ZNF626: variants seen among roughly 807,000 people sequenced by gnomAD.
The protein encoded by ZNF626 is CTC-513N18.7.
A neutral mutation model predicts 11.7 loss-of-function variants in ZNF626; 4 were observed. The ratio of observed to expected loss-of-function variants is 0.34; its 90% CI spans 0.17 to 0.78. The LOEUF is 0.78. Ranked by LOEUF, ZNF626 falls within the 30% of genes least tolerant of loss-of-function variation. ZNF626 has a pLI of 0.57. For synonymous variants in ZNF626, 179 were observed against 198.6 expected (o/e 0.90, Z 0.83); for missense variants, 588 against 587.1 (o/e 1.00, Z -0.01).
chr19:20,660,450 G>A (rs1482809720), intron 1 of ZNF626, among the ~76,000 whole-genome samples: 2 of 151,142 alleles, frequency 1.3e-5, no homozygotes, highest in East Asian at 1.9e-4. Context: ...TTTTTGAGCC[G>A]GAGTCTCGCT....
chr19:20,635,684 CAAT>C (rs1304037254), intron 3 of ZNF626, among the ~76,000 whole-genome samples: 1 of 152,050 alleles, frequency 6.6e-6, no homozygotes, highest in Non-Finnish European at 1.5e-5. Flanking sequence ...TAAAAATAAA[CAAT>C]AATACCTAAA....
In ZNF626 at chr19:20,640,912, C is replaced by CA. The variant is rs563312723; in HGVS notation, c.226+4771dup. Among the ~76,000 whole-genome samples, 22 of 152,002 alleles carry CA rather than the reference C, an allele frequency of 1.4e-4. No individual in the cohort carries two copies. The South Asian group carries it at 3.7e-3, about 26-fold the overall frequency. On this transcript the variant is annotated intron_variant, in intron 3 of 3. Coordinates refer to ENST00000601440, the MANE Select transcript of ZNF626 (RefSeq NM_001076675.3). ...CCGTAATCCTAGCAATTTGGGAGGC[C>CA]AAGGTAGGGGCAGATCACCTGAGGC...
intron 3 of ZNF626, among the ~76,000 whole-genome samples, chr19:20,638,054 T>C (rs1969985025): frequency 6.6e-6 from 1 of 151,922 alleles, no homozygotes; most frequent in South Asian, 2.1e-4. Flanking sequence ...AATGAGAGGA[T>C]AATCTGAGTT....
intron 1 of ZNF626, among the ~76,000 whole-genome samples, chr19:20,653,027 G>C (rs189553456): frequency 1.0e-3 from 157 of 152,268 alleles, no homozygotes; most frequent in Middle Eastern, 3.4e-3. Context: ...ATCTGATCTA[G>C]ACTCTCTAGA....
intron 3 of ZNF626, among the ~76,000 whole-genome samples, chr19:20,627,665 A>G (rs1274967622): frequency 1.3e-5 from 2 of 152,160 alleles, no homozygotes; most frequent in South Asian, 2.1e-4. Context: ...TTTATTAAAA[A>G]ATTTTAAAAA....
intron 1 of ZNF626, among the ~76,000 whole-genome samples, chr19:20,647,110 T>A (rs1555771999): frequency 6.6e-6 from 1 of 152,198 alleles, no homozygotes; most frequent in African/African-American, 2.4e-5. Context: ...CCTCCTAAAG[T>A]GTTGGGATTA....
chr19:20,635,558 T>C (rs1221370051), intron 3 of ZNF626, among the ~76,000 whole-genome samples: 1 of 151,748 alleles, frequency 6.6e-6, no homozygotes, highest in Admixed American at 6.6e-5. Context: ...TCTGACACCG[T>C]GATCCACCCA....
intron 3 of ZNF626, among the ~76,000 whole-genome samples, chr19:20,631,025 T>C (rs532538044): frequency 6.6e-6 from 1 of 152,216 alleles, no homozygotes; most frequent in South Asian, 2.1e-4. Context: ...CTTCATTTCA[T>C]TATTTACCCA....
chr19:20,622,617 GAAAC>G lies in ZNF626; in HGVS notation c.*1669_*1672del, dbSNP rs1433400774. ...ACTTTTCAAAAAAATTGTTTTCAAG[GAAAC>G]AAATATACTTTCAATGTAAATACAA... On this transcript the variant is annotated 3_prime_UTR_variant, in exon 4 of 4. Coordinates refer to ENST00000601440, the MANE Select transcript of ZNF626 (RefSeq NM_001076675.3). The G allele has an allele frequency of 7.2e-5, 11 of 151,956 alleles. No individual in the cohort carries two copies. The highest frequency in any genetic ancestry group is 2.7e-4 in the African/African-American group (11 of 41,360). The allele number at this position is 151,956 out of a possible 1,614,324, so 9.4% of individuals were successfully genotyped here. A position where few individuals can be genotyped will look rare whatever the true frequency, so the allele number is the denominator to read the frequency against.
Position 20,661,542 on chromosome 19 carries a change from A to G in ZNF626, c.-96T>C, listed in dbSNP as rs1433848622. 6.9e-7 allele frequency: 1 copy of G among 1,453,180 alleles called. No homozygotes were observed. The highest frequency in any genetic ancestry group is 1.4e-5 in the African/African-American group (1 of 70,758). The allele number at this position is 1,453,180 out of a possible 1,614,324, so 90.0% of individuals were successfully genotyped here. On this transcript the variant is annotated 5_prime_UTR_variant, in exon 1 of 4. Coordinates refer to ENST00000601440, the MANE Select transcript of ZNF626 (RefSeq NM_001076675.3). ...AGCCTGGGCCTTTAGGAGAAGAACC[A>G]GACCTGGAGCTCTGACTGCAGCGAG...
intron 3 of ZNF626, chr19:20,645,228 T>A (rs1044700487): frequency 7.6e-7 from 1 of 1,317,560 alleles, no homozygotes; most frequent in Non-Finnish European, 9.7e-7. Context: ...AAAAACAGAA[T>A]GGACTGTGCA....
intron 1 of ZNF626, among the ~76,000 whole-genome samples, chr19:20,659,235 G>A (rs1241895607): frequency 3.3e-5 from 5 of 152,006 alleles, no homozygotes; most frequent in Non-Finnish European, 7.4e-5. Context: ...TGTCTTCAGT[G>A]GTCAAAATAA....
At chr19:20,656,898 G>T (rs274808) in intron 1 of ZNF626, among the ~76,000 whole-genome samples, 30,417 of 151,934 alleles carry the variant, frequency 0.2, 3,756 homozygotes, top group African/African-American at 0.35. Flanking sequence ...ATTCCTCACA[G>T]AACTAAAAAC....
intron 3 of ZNF626, chr19:20,645,164 A>G (rs948696478): frequency 1.0e-6 from 1 of 964,386 alleles, no homozygotes; most frequent in Non-Finnish European, 1.3e-6. Context: ...GGAAAATAAC[A>G]AAGAGGAAGG....
At chr19:20,645,852 C>G in intron 2 of ZNF626, 73 bp from the exon 3 acceptor site, 1 of 1,086,858 alleles carries the variant, frequency 9.2e-7, no homozygotes, top group South Asian at 2.1e-5. Context: ...GTGCTCAGCA[C>G]AGAGGATGTG....
At chr19:20,640,314 GA>G (rs1213799813) in intron 3 of ZNF626, among the ~76,000 whole-genome samples, 1 of 143,006 alleles carries the variant, frequency 7.0e-6, no homozygotes, top group Non-Finnish European at 1.5e-5. Context: ...AATCTTTTAG[GA>G]AAAAATACGG....
At chr19:20,640,142 T>A (rs1555771271) in intron 3 of ZNF626, among the ~76,000 whole-genome samples, 1 of 151,582 alleles carries the variant, frequency 6.6e-6, no homozygotes, top group Non-Finnish European at 1.5e-5. Flanking sequence ...AAAGTTGGAT[T>A]ATTTCCTTGA....
At chr19:20,650,260 A>G (rs1156760931) in intron 1 of ZNF626, among the ~76,000 whole-genome samples, 1 of 151,886 alleles carries the variant, frequency 6.6e-6, no homozygotes, top group Non-Finnish European at 1.5e-5. Context: ...AAAAAAAACC[A>G]TAAAAAATTA....
intron 3 of ZNF626, among the ~76,000 whole-genome samples, chr19:20,636,293 T>C (rs11670612): frequency 0.19 from 29,658 of 152,138 alleles, 3,562 homozygotes; most frequent in East Asian, 0.47. Context: ...ATATTTAATT[T>C]TGCTCTTCAC....
Sources: gnomAD v4.1 joint callset for allele counts (sites outside exome capture counted in the v4.1 genomes callset) on GRCh38, gnomAD v4.1.1 for gene constraint, MANE v1.5 for transcripts, NCBI Gene and HGNC (gene_info 2026-07-23, HGNC 2026-07-21) for gene names.